The following NR2C2 variants were observed in gnomAD, a reference collection of about 807,000 sequenced individuals.
NR2C2 encodes the protein Nuclear hormone receptor TR4.
Under a neutral mutation model 62.9 loss-of-function variants are expected in NR2C2, and 6 were observed. The observed-to-expected ratio is 0.10, with a 90% CI of 0.05 to 0.19. The LOEUF is 0.19. NR2C2 is among the 10% of genes least tolerant of loss of function. The pLI, the probability that NR2C2 is intolerant of heterozygous loss-of-function variation, is 1.00. For missense variants in NR2C2, 479 were observed against 762.7 expected (o/e 0.63, Z 4.38); for synonymous variants, 272 against 273.8 (o/e 0.99, Z 0.07).
intron 1 of NR2C2, among the ~76,000 whole-genome samples, chr3:14,989,924 C>CAAAAA (rs34980642): frequency 2.0e-5 from 1 of 51,018 alleles, no homozygotes; most frequent in Non-Finnish European, 3.7e-5. Context: ...GACTCCATCT[C>CAAAAA]AAAAAAAAAA....
At chr3:15,032,586 C>A in intron 10 of NR2C2, 86 bp downstream of exon 10, 1 of 1,515,296 alleles carries the variant, frequency 6.6e-7, no homozygotes, top group Non-Finnish European at 9.1e-7. Context: ...GAGGGCCTGT[C>A]TAGTTTGACT....
intron 1 of NR2C2, among the ~76,000 whole-genome samples, chr3:14,953,152 T>G (rs1307290318): frequency 6.6e-6 from 1 of 151,246 alleles, no homozygotes; most frequent in South Asian, 2.1e-4. Flanking sequence ...TGGCCTGTAA[T>G]GATGAAAGTC....
chr3:14,976,232 A>C (rs1156316437), intron 1 of NR2C2, among the ~76,000 whole-genome samples: 6 of 152,100 alleles, frequency 3.9e-5, no homozygotes, highest in Non-Finnish European at 8.8e-5. Flanking sequence ...TAATGCCCCC[A>C]CTTTTATTCC....
At chr3:14,964,778 T>C (rs1167402170) in intron 1 of NR2C2, among the ~76,000 whole-genome samples, 1 of 152,052 alleles carries the variant, frequency 6.6e-6, no homozygotes, top group East Asian at 1.9e-4. Flanking sequence ...TGCCTTGGCC[T>C]CCCAAAGTGC....
chr3:14,968,952 A>G (rs76878883), intron 1 of NR2C2, among the ~76,000 whole-genome samples: 13 of 143,664 alleles, frequency 9.0e-5, no homozygotes, highest in Admixed American at 2.9e-4. Context: ...ACATGGACAC[A>G]GGAAGGGGGA....
Position 15,039,150 on chromosome 3 carries a change from G to A in NR2C2, c.1539G>A (p.Gln513=). 1 of 1,614,108 alleles carries A rather than the reference G, an allele frequency of 6.2e-7. No homozygotes were observed. The highest frequency in any genetic ancestry group is 8.5e-7 in the Non-Finnish European group (1 of 1,179,996). The change falls in exon 13 of 14, where the codon CAG becomes CAA. Residue 513 remains glutamine, a synonymous_variant. Transcript: ENST00000425241. Reference sequence around the variant, plus strand: ...ATCCAGGTTTGACCAGCACAAGCCAGATTGAAAAATTCCAAGAAAAGGCAC... The same window carrying A: ...ATCCAGGTTTGACCAGCACAAGCCAAATTGAAAAATTCCAAGAAAAGGCAC... ...PDHPGLTSTS[Q]IEKFQEKAQM... is the part of the protein sequence containing the mutation.
intron 1 of NR2C2, among the ~76,000 whole-genome samples, chr3:14,961,107 C>G (rs2039676263): frequency 6.6e-6 from 1 of 152,180 alleles, no homozygotes; most frequent in Non-Finnish European, 1.5e-5. Flanking sequence ...GGTGCAGTAT[C>G]TGCTGTCACA....
chr3:14,955,289 G>A (rs147875457), intron 1 of NR2C2, among the ~76,000 whole-genome samples: 2,853 of 152,320 alleles, frequency 0.019, 83 homozygotes, highest in Admixed American at 0.078. Flanking sequence ...TACTACCTGG[G>A]TGGAGCAGCC....
intron 1 of NR2C2, among the ~76,000 whole-genome samples, chr3:14,949,093 G>C (rs1269952680): frequency 1.3e-5 from 2 of 152,198 alleles, no homozygotes; most frequent in Non-Finnish European, 2.9e-5. Flanking sequence ...TTCGTTCGCT[G>C]AATACATGTT....
chr3:14,989,512 G>C (rs1381179458), intron 1 of NR2C2, among the ~76,000 whole-genome samples: 1 of 152,074 alleles, frequency 6.6e-6, no homozygotes, highest in Admixed American at 6.5e-5. Flanking sequence ...AAGAATATTA[G>C]GGCCAGGCAT....
chr3:14,961,593 A>G (rs1199345783), intron 1 of NR2C2, among the ~76,000 whole-genome samples: 1 of 152,160 alleles, frequency 6.6e-6, no homozygotes, highest in East Asian at 1.9e-4. Flanking sequence ...GGCTTAGGAA[A>G]TATTCAGGAG....
At chr3:14,962,849 T>C (rs2039727516) in intron 1 of NR2C2, among the ~76,000 whole-genome samples, 2 of 152,114 alleles carry the variant, frequency 1.3e-5, no homozygotes, top group African/African-American at 2.4e-5. Context: ...GTAGAAGACG[T>C]GATTATGTCC....
At chr3:14,960,672 CAGA>C (rs2039665280) in intron 1 of NR2C2, among the ~76,000 whole-genome samples, 1 of 152,096 alleles carries the variant, frequency 6.6e-6, no homozygotes, top group Non-Finnish European at 1.5e-5. Flanking sequence ...TAGTTAATAA[CAGA>C]GGAGAAATTC....
intron 2 of NR2C2, among the ~76,000 whole-genome samples, chr3:15,007,341 A>T (rs1171946099): frequency 6.7e-6 from 1 of 149,700 alleles, no homozygotes; most frequent in East Asian, 2.0e-4. Flanking sequence ...GTTAGACAGG[A>T]TGGTCTCGGT....
chr3:15,030,319 C>T lies in NR2C2; in HGVS notation c.977C>T (p.Ser326Phe), dbSNP rs770039691. ...LAKALNTTDS[S>F]SSPSLADGID... ...AAAGCACTTAATACCACAGACAGCT[C>T]CTCTTCTCCAAGCTTGGCAGATGGG... Residue 326 changes from serine to phenylalanine, a missense_variant, in exon 9 of 14, where the codon TCC (serine) becomes TTC (phenylalanine). Physicochemically the swap from Ser to Phe is radical, Grantham distance 155. Around this residue, in one of 4 missense-constraint regions of NR2C2, gnomAD observed 151 missense variants for 176.1 expected, o/e 0.86. Coordinates refer to ENST00000425241, the MANE Select transcript of NR2C2 (RefSeq NM_001291694.2). 2 of 1,612,642 alleles carry T rather than the reference C, an allele frequency of 1.2e-6. No individual in the cohort carries two copies. Among genetic ancestry groups the T allele is most frequent in the Admixed American group, 1.7e-5 (1 of 59,506 alleles).
chr3:15,010,969 T>G (rs1241425050), intron 2 of NR2C2, among the ~76,000 whole-genome samples: 1 of 152,202 alleles, frequency 6.6e-6, no homozygotes, highest in Admixed American at 6.5e-5. Flanking sequence ...TTTTAGTTGG[T>G]AATTGAAGAC....
At position 15,003,922 on chromosome 3, in the gene NR2C2, G is replaced by T. The variant is rs769305398; in HGVS notation, c.8G>T (p.Ser3Ile). Residue 3 changes from serine (S) to isoleucine (I), a missense_variant, in exon 2 of 14, where the codon AGC (serine) becomes ATC (isoleucine). Around this residue, in one of 4 missense-constraint regions of NR2C2, gnomAD observed 115 missense variants for 152.3 expected, o/e 0.76. Coordinates refer to ENST00000425241, the MANE Select transcript of NR2C2 (RefSeq NM_001291694.2). MTSPSPRIQIIST... is the reference protein window; with the variant it reads MTIPSPRIQIIST... ...CGGCCGGAATCTCCAGGGATGACCAGCCCCTCCCCACGCATCCAGATAATC... is the reference window on the plus strand; with the variant it reads ...CGGCCGGAATCTCCAGGGATGACCATCCCCTCCCCACGCATCCAGATAATC... 2 of 1,613,892 alleles carry T rather than the reference G, an allele frequency of 1.2e-6. No homozygotes were observed. Among genetic ancestry groups the T allele is most frequent in the East Asian group, 2.2e-5 (1 of 44,866 alleles).
intron 4 of NR2C2, among the ~76,000 whole-genome samples, chr3:15,017,611 C>T (rs982215677): frequency 2.6e-5 from 4 of 152,174 alleles, no homozygotes; most frequent in Non-Finnish European, 5.9e-5. Context: ...AAGGAAAGGC[C>T]TAGTCACAGG....
In NR2C2 at chr3:15,046,393, A is replaced by G. The variant is rs560844544; in HGVS notation, c.*3385A>G. 6.6e-6 allele frequency: 1 copy of G among 152,384 alleles called. No homozygotes were observed. Among genetic ancestry groups the G allele is most frequent in the African/African-American group, 2.4e-5 (1 of 41,598 alleles). The allele number at this position is 152,384 out of a possible 1,614,324, so 9.4% of individuals were successfully genotyped here. On this transcript the variant is annotated 3_prime_UTR_variant, in exon 14 of 14. Coordinates refer to ENST00000425241, the MANE Select transcript of NR2C2 (RefSeq NM_001291694.2). The stretch of plus-strand genomic sequence containing the variant: ...AATCTCAAGGCAATATCCACGCTAC[A>G]CACATACTTATTAGCTGTCTTACTT...
Sources: allele counts gnomAD v4.1 joint callset (sites outside exome capture counted in the v4.1 genomes callset), GRCh38; gene constraint gnomAD v4.1.1; regional missense constraint gnomAD v4.1.1; transcripts MANE v1.5; gene names NCBI Gene and HGNC (gene_info 2026-07-23, HGNC 2026-07-21).